The following RAB18 variants were observed in gnomAD, a reference collection of about 807,000 sequenced individuals.
The protein encoded by RAB18 is ras-related protein Rab-18.
RAB18 carries 10 observed loss-of-function variants against 28.5 expected under a neutral mutation model. The observed-to-expected ratio is 0.35, with a 90% confidence interval of 0.22 to 0.60. The LOEUF (loss-of-function observed/expected upper bound fraction) is 0.60. Among genes scored for constraint, RAB18 ranks in the 20% least tolerant of loss-of-function variants. The probability of loss-of-function intolerance (pLI) is 0.78; values close to 1 mark genes in which losing one functional copy is unlikely to be tolerated. For synonymous variants in RAB18, 93 were observed against 86.9 expected (o/e 1.07, Z -0.39); for missense variants, 188 against 244.2 (o/e 0.77, Z 1.53).
chr10:27,526,740 G>A, intron 2 of RAB18, 88 bp from the exon 3 acceptor site: 1 of 1,550,850 alleles, frequency 6.4e-7, no homozygotes, highest in East Asian at 2.3e-5. Flanking sequence ...TTTGATAATA[G>A]TGACTTTTCT....
At chr10:27,512,876 C>T (rs1235070129) in intron 2 of RAB18, among the ~76,000 whole-genome samples, 1 of 151,790 alleles carries the variant, frequency 6.6e-6, no homozygotes, top group African/African-American at 2.4e-5. Context: ...TTGTCTTCTG[C>T]AAAGACAAAT....
At chr10:27,522,085 T>G (rs1376942964) in intron 2 of RAB18, among the ~76,000 whole-genome samples, 1 of 152,140 alleles carries the variant, frequency 6.6e-6, no homozygotes, top group Non-Finnish European at 1.5e-5. Context: ...AAAAAGACGT[T>G]TTGGAATTCA....
intron 3 of RAB18, among the ~76,000 whole-genome samples, chr10:27,531,363 C>T (rs1834784463): frequency 6.6e-6 from 1 of 151,950 alleles, no homozygotes; most frequent in Non-Finnish European, 1.5e-5. Context: ...CCCTCACGCC[C>T]CTGGTTTGAA....
chr10:27,536,268 T>G (rs1484835495), intron 6 of RAB18, among the ~76,000 whole-genome samples: 1 of 152,090 alleles, frequency 6.6e-6, no homozygotes, highest in Middle Eastern at 3.2e-3. Context: ...CCGGTGGACA[T>G]GGTGGTCATT....
In RAB18 at chr10:27,538,450, G is replaced by T. The variant is rs1834947017; in HGVS notation, c.*399G>T. ...TTAGAACTCCTAGCACCACGGGGAA[G>T]AATAGAGGTATCATCAAACGTGGCA... On this transcript the variant is annotated 3_prime_UTR_variant, in exon 7 of 7. Coordinates refer to ENST00000356940, the MANE Select transcript of RAB18 (RefSeq NM_021252.5). 1 of 455,380 alleles carries T rather than the reference G, an allele frequency of 2.2e-6. No homozygotes were observed. The highest frequency in any genetic ancestry group is 2.0e-5 in the African/African-American group (1 of 50,058). The allele number at this position is 455,380 out of a possible 1,614,324, so 28.2% of individuals were successfully genotyped here.
chr10:27,537,986 A>G lies in RAB18; in HGVS notation c.556A>G (p.Lys186Glu). Residue 186 changes from lysine (K) to glutamate (E), a missense_variant, in exon 7 of 7, where the codon AAA (lysine) becomes GAA (glutamate). Physicochemically the swap from Lys to Glu is moderately conservative, Grantham distance 56 (BLOSUM62 1). Transcript: ENST00000356940. ...AAGTGAGAACCAGAATAAAGGAGTCAAACTGTCACACAGGGAAGAAGGCCA... is the reference window on the plus strand; with the variant it reads ...AAGTGAGAACCAGAATAAAGGAGTCGAACTGTCACACAGGGAAGAAGGCCA... ...WESENQNKGVKLSHREEGQGG... is the reference protein window; with the variant it reads ...WESENQNKGVELSHREEGQGG... 1.2e-6 allele frequency: 2 copies of G among 1,614,162 alleles called. No homozygotes were observed. The highest frequency in any genetic ancestry group is 1.7e-6 in the Non-Finnish European group (2 of 1,180,010).
At chr10:27,530,140 A>C (rs777569856) in intron 3 of RAB18, among the ~76,000 whole-genome samples, 7 of 152,024 alleles carry the variant, frequency 4.6e-5, no homozygotes, top group Non-Finnish European at 8.8e-5. Context: ...TTTTTCTGCC[A>C]GCTCTGGAAG....
chr10:27,541,945 G>A lies in RAB18; in HGVS notation c.*3894G>A, dbSNP rs944476117. The A allele has an allele frequency of 2.2e-6, 1 of 453,864 alleles. No homozygotes were observed. The highest frequency in any genetic ancestry group is 4.4e-6 in the Non-Finnish European group (1 of 226,762). 28.1% of individuals were successfully genotyped at this position (453,864 alleles called of 1,614,324 possible). A position where few individuals can be genotyped will look rare whatever the true frequency, so the allele number is the denominator to read the frequency against. On this transcript the variant is annotated 3_prime_UTR_variant, in exon 7 of 7. Transcript: ENST00000356940. ...GTGCCCCACTTCCCCAGTAGCAATG[G>A]TTCAGGGGTAGGCACCTGACCCAGA...
intron 2 of RAB18, among the ~76,000 whole-genome samples, chr10:27,525,705 A>G (rs1317177919): frequency 6.6e-6 from 1 of 152,208 alleles, no homozygotes; most frequent in South Asian, 2.1e-4. Flanking sequence ...CACCAAACTT[A>G]AAAATATATA....
Position 27,541,381 on chromosome 10 carries a change from G to C in RAB18, c.*3330G>C, listed in dbSNP as rs537665208. 187 of 452,824 alleles carry C rather than the reference G, an allele frequency of 4.1e-4. 3 individuals are homozygous for C. The highest frequency in any genetic ancestry group is 2.7e-3 in the South Asian group (171 of 64,386). 28.1% of individuals were successfully genotyped at this position (452,824 alleles called of 1,614,324 possible). On this transcript the variant is annotated 3_prime_UTR_variant, in exon 7 of 7. Coordinates refer to ENST00000356940, the MANE Select transcript of RAB18 (RefSeq NM_021252.5). Reference sequence around the variant, plus strand: ...TTTTAATTTTTCTCTCCTCAGTTGGGAACATCTATCATGCTGGAGGACTAC... The same window carrying C: ...TTTTAATTTTTCTCTCCTCAGTTGGCAACATCTATCATGCTGGAGGACTAC...
intron 1 of RAB18, among the ~76,000 whole-genome samples, chr10:27,507,639 C>G (rs929378932): frequency 1.1e-4 from 17 of 149,566 alleles, no homozygotes; most frequent in Admixed American, 9.4e-4. Context: ...TTGGTCACAT[C>G]TAAGTGCCAT....
chr10:27,526,895 A>AGTTTTTAAAATGT lies in RAB18; in HGVS notation c.186+7_186+19dup, dbSNP rs1834683476. The AGTTTTTAAAATGT allele has an allele frequency of 6.2e-7, 1 of 1,610,232 alleles. No individual in the cohort carries two copies. The highest frequency in any genetic ancestry group is 1.3e-5 in the African/African-American group (1 of 74,962). On this transcript the variant is annotated splice_region_variant and intron_variant, in intron 3 of 6. Transcript: ENST00000356940. The stretch of plus-strand genomic sequence containing the variant: ...AGGCTAAACTTGCAATATGGGTAAG[A>AGTTTTTAAAATGT]GTTTTTAAAATGTATTTTTAAAATA...
chr10:27,512,388 C>T (rs1440291184), intron 2 of RAB18, among the ~76,000 whole-genome samples: 2 of 151,944 alleles, frequency 1.3e-5, no homozygotes, highest in Non-Finnish European at 2.9e-5. Context: ...CTCACTGCAG[C>T]CTCCACCTCC....
Position 27,532,328 on chromosome 10 carries a change from ATAATT to A in RAB18, c.187-177_187-173del, listed in dbSNP as rs573669775. 1.1e-4 allele frequency among the ~76,000 whole-genome samples: 15 copies of A among 136,508 alleles called. No homozygotes were observed. In the East Asian group the frequency reaches 1.6e-3, roughly 15 times the overall value. The allele number at this position is 136,508 out of a possible 152,430, so 89.6% of individuals were successfully genotyped here. On this transcript the variant is annotated intron_variant, in intron 3 of 6. Coordinates refer to ENST00000356940, the MANE Select transcript of RAB18 (RefSeq NM_021252.5). ...TTTTTCTAGAGATCAGTATTTATAAATAATTTTATTTTGTGACACTTGTCAGTAAG... is the reference window on the plus strand; with the variant it reads ...TTTTTCTAGAGATCAGTATTTATAAATTATTTTGTGACACTTGTCAGTAAG...
chr10:27,528,169 C>T (rs1405332875), intron 3 of RAB18: 1 of 388,620 alleles, frequency 2.6e-6, no homozygotes, highest in Non-Finnish European at 5.0e-6. Context: ...AGAGTAGTAT[C>T]TGAGACTTGC....
chr10:27,512,674 A>G (rs1834347106), intron 2 of RAB18, among the ~76,000 whole-genome samples: 1 of 152,154 alleles, frequency 6.6e-6, no homozygotes, highest in African/African-American at 2.4e-5. Context: ...AACCTGCCTG[A>G]GTACGTATTG....
Position 27,540,551 on chromosome 10 carries a change from C to G in RAB18, c.*2500C>G, listed in dbSNP as rs1362735810. The G allele has an allele frequency of 2.2e-6, 1 of 454,028 alleles. No homozygotes were observed. Among genetic ancestry groups the G allele is most frequent in the East Asian group, 6.9e-5 (1 of 14,390 alleles). The allele number at this position is 454,028 out of a possible 1,614,324, so 28.1% of individuals were successfully genotyped here. A position where few individuals can be genotyped will look rare whatever the true frequency, so the allele number is the denominator to read the frequency against. ...AGTAAATCCCATGATGTAAACCTACCTCATAAGTCATGTGACATAAAAGTT... is the reference window on the plus strand; with the variant it reads ...AGTAAATCCCATGATGTAAACCTACGTCATAAGTCATGTGACATAAAAGTT... On this transcript the variant is annotated 3_prime_UTR_variant, in exon 7 of 7. Coordinates refer to ENST00000356940, the MANE Select transcript of RAB18 (RefSeq NM_021252.5).
chr10:27,517,312 G>A (rs1454002139), intron 2 of RAB18, among the ~76,000 whole-genome samples: 1 of 152,054 alleles, frequency 6.6e-6, no homozygotes, highest in East Asian at 1.9e-4. Context: ...GCAGTGAGCC[G>A]AGATTGTGCC....
intron 2 of RAB18, among the ~76,000 whole-genome samples, chr10:27,512,013 C>T (rs1834334669): frequency 6.6e-6 from 1 of 150,496 alleles, no homozygotes. Context: ...TGGCCTGAGA[C>T]TCCTGGGCTC....
Sources: gnomAD v4.1 joint callset for allele counts (sites outside exome capture counted in the v4.1 genomes callset) on GRCh38, gnomAD v4.1.1 for gene constraint, MANE v1.5 for transcripts, NCBI Gene and HGNC (gene_info 2026-07-23, HGNC 2026-07-21) for gene names.